The following MBNL1 variants were observed in gnomAD, a reference collection of about 807,000 sequenced individuals.
MBNL1 encodes the protein muscleblind like splicing regulator 1.
Under a neutral mutation model 42.2 loss-of-function variants are expected in MBNL1, and 8 were observed. The ratio of observed to expected loss-of-function variants is 0.19; its 90% CI spans 0.11 to 0.34. MBNL1 has a LOEUF of 0.34. Among genes scored for constraint, MBNL1 ranks in the 10% least tolerant of loss-of-function variants. MBNL1 has a pLI of 1.00. For missense variants in MBNL1, 309 were observed against 495.3 expected (o/e 0.62, Z 3.57); for synonymous variants, 169 against 173.9 (o/e 0.97, Z 0.22).
chr3:152,291,949 T>A (rs2151039326), intron 1 of MBNL1, among the ~76,000 whole-genome samples: 1 of 152,272 alleles, frequency 6.6e-6, no homozygotes, highest in African/African-American at 2.4e-5. Context: ...GTGTGGCTAA[T>A]TTTTAAAAAT....
chr3:152,432,621 G>A (rs2099021836), intron 3 of MBNL1, 96 bp from the exon 4 acceptor site: 1 of 1,078,388 alleles, frequency 9.3e-7, no homozygotes, highest in Non-Finnish European at 1.4e-6. Flanking sequence ...GCCTAAGGAA[G>A]AATGGATAGA....
rs2153990307 is a variant in MBNL1, at chr3:152,464,400, A to G, written c.*2034A>G. ...TTCTTGTCTAGTTTTCATTAAAAGA[A>G]CAAAGATCTTTTATATGGATATCTT... On this transcript the variant is annotated 3_prime_UTR_variant, in exon 10 of 10. Coordinates refer to ENST00000324210, the MANE Select transcript of MBNL1 (RefSeq NM_021038.5). 6.5e-6 allele frequency: 1 copy of G among 152,692 alleles called. No homozygotes were observed. Among genetic ancestry groups the G allele is most frequent in the African/African-American group, 2.4e-5 (1 of 41,592 alleles). 9.5% of individuals were successfully genotyped at this position (152,692 alleles called of 1,614,324 possible).
intron 2 of MBNL1, among the ~76,000 whole-genome samples, chr3:152,406,869 A>G (rs2098441708): frequency 6.6e-6 from 1 of 152,134 alleles, no homozygotes; most frequent in South Asian, 2.1e-4. Context: ...CTAAAATCCC[A>G]TTTGTGATTA....
chr3:152,327,431 G>A (rs1001420014), intron 2 of MBNL1, among the ~76,000 whole-genome samples: 28 of 151,672 alleles, frequency 1.8e-4, no homozygotes, highest in East Asian at 2.0e-4. Context: ...CACTGCAACC[G>A]CCGCCTCCTA....
At chr3:152,430,656 C>T (rs1272483817) in intron 3 of MBNL1, among the ~76,000 whole-genome samples, 3 of 152,178 alleles carry the variant, frequency 2.0e-5, no homozygotes, top group African/African-American at 7.2e-5. Flanking sequence ...AGTATACAAT[C>T]AATCCTTGTC....
At chr3:152,360,799 C>T (rs1164787549) in intron 2 of MBNL1, among the ~76,000 whole-genome samples, 3 of 152,080 alleles carry the variant, frequency 2.0e-5, no homozygotes, top group Admixed American at 6.6e-5. Context: ...TGACACTCTC[C>T]GTCATATACA....
At position 152,410,130 on chromosome 3, in the gene MBNL1, A is replaced by G. The variant is rs376402977; in HGVS notation, c.175-4811A>G. 6.2e-4 allele frequency among the ~76,000 whole-genome samples: 94 copies of G among 152,140 alleles called. No homozygotes were observed. The South Asian group carries it at 0.019, about 30-fold the overall frequency. On this transcript the variant is annotated intron_variant, in intron 2 of 9. Transcript: ENST00000324210. ...CACATATGCAGTTTATATATATACTATATTTGTACATATGTAATGTAAAGG... is the reference window on the plus strand; with the variant it reads ...CACATATGCAGTTTATATATATACTGTATTTGTACATATGTAATGTAAAGG...
chr3:152,356,268 C>G (rs1015190863), intron 2 of MBNL1, among the ~76,000 whole-genome samples: 1 of 148,720 alleles, frequency 6.7e-6, no homozygotes, highest in African/African-American at 2.5e-5. Flanking sequence ...ACTTATTATT[C>G]TATTCTTTCC....
At chr3:152,338,584 C>T in intron 2 of MBNL1, 1 of 985,322 alleles carries the variant, frequency 1.0e-6, no homozygotes, top group Non-Finnish European at 1.2e-6. Flanking sequence ...CTCCAAGCCC[C>T]TAAGACTCTG....
In MBNL1 at chr3:152,269,075, G is replaced by A. The variant is rs2038290723; in HGVS notation, c.-807G>A. The A allele has an allele frequency of 1.4e-5, 6 of 436,368 alleles. No homozygotes were observed. The highest frequency in any genetic ancestry group is 5.3e-5 in the Admixed American group (2 of 38,092). 27.0% of individuals were successfully genotyped at this position (436,368 alleles called of 1,614,324 possible). ...CTTGGTCGACAGTGGGGCCGCCTCT[G>A]AAAAAAAAATGTGAGAGGTAAGTTT... On this transcript the variant is annotated 5_prime_UTR_variant, in exon 1 of 10. An upstream open reading frame in the 5' UTR loses its in-frame stop. Transcript: ENST00000324210.
chr3:152,297,689 C>T (rs892878488), intron 1 of MBNL1, among the ~76,000 whole-genome samples: 1 of 151,992 alleles, frequency 6.6e-6, no homozygotes, highest in African/African-American at 2.4e-5. Context: ...CAGAGTCTTG[C>T]TCTGTCACCC....
intron 2 of MBNL1, chr3:152,396,205 C>G (rs2097923662): frequency 5.6e-6 from 2 of 358,408 alleles, no homozygotes; most frequent in African/African-American, 4.4e-5. Context: ...GCTCAGGGCT[C>G]CCACTGATTC....
At chr3:152,396,141 C>G (rs1375074003) in intron 2 of MBNL1, 4 of 332,312 alleles carry the variant, frequency 1.2e-5, no homozygotes, top group South Asian at 2.4e-5. Context: ...GCCTGATGAT[C>G]AGTCACTGTC....
At chr3:152,278,164 T>G (rs2046375635) in intron 1 of MBNL1, among the ~76,000 whole-genome samples, 1 of 152,114 alleles carries the variant, frequency 6.6e-6, no homozygotes, top group Admixed American at 6.5e-5. Flanking sequence ...TTCTTTATTA[T>G]TCTGTCATTG....
chr3:152,341,546 A>G (rs905871958), intron 2 of MBNL1, among the ~76,000 whole-genome samples: 1 of 152,226 alleles, frequency 6.6e-6, no homozygotes, highest in African/African-American at 2.4e-5. Context: ...CACTCTGTTC[A>G]TAAGACTAGT....
chr3:152,313,214 AG>A (rs978644334), intron 2 of MBNL1, among the ~76,000 whole-genome samples: 2 of 152,042 alleles, frequency 1.3e-5, no homozygotes, highest in African/African-American at 4.8e-5. Flanking sequence ...TAATAGAGAC[AG>A]GGTTTCACCA....
At chr3:152,434,369 G>T (rs1310946125) in intron 4 of MBNL1, among the ~76,000 whole-genome samples, 1 of 152,180 alleles carries the variant, frequency 6.6e-6, no homozygotes, top group Non-Finnish European at 1.5e-5. Flanking sequence ...CTGTGTTGCT[G>T]CAAAGGACAT....
At chr3:152,458,024 G>T in intron 8 of MBNL1, 1 of 816,432 alleles carries the variant, frequency 1.2e-6, no homozygotes, top group East Asian at 2.5e-5. Context: ...TAGCAATGCT[G>T]GAAATAGCTG....
intron 4 of MBNL1, among the ~76,000 whole-genome samples, chr3:152,438,730 G>A (rs75867226): frequency 0.17 from 25,684 of 152,134 alleles, 2,397 homozygotes; most frequent in East Asian, 0.26. Flanking sequence ...AAAGATACTA[G>A]CATCTCTTAT....
Sources: gnomAD v4.1 joint callset for allele counts (sites outside exome capture counted in the v4.1 genomes callset) on GRCh38, gnomAD v4.1.1 for gene constraint, MANE v1.5 for transcripts, NCBI Gene and HGNC (gene_info 2026-07-23, HGNC 2026-07-21) for gene names.